Variants in AGBL4 observed in about 807,000 individuals in gnomAD.
The protein encoded by AGBL4 is cytosolic carboxypeptidase 6.
A neutral mutation model predicts 66.4 loss-of-function variants in AGBL4; 58 were observed. The observed-to-expected ratio is 0.87, with a 90% CI of 0.71 to 1.09. AGBL4 has a LOEUF of 1.09. AGBL4 is among the 50% of genes least tolerant of loss of function. The pLI is 0.00. For missense variants in AGBL4, 579 were observed against 631.0 expected, an observed-to-expected ratio of 0.92 and a Z score of 0.88; for synonymous variants, 234 against 222.9, an observed-to-expected ratio of 1.05 and a Z score of -0.44.
intron 3 of AGBL4, among the ~76,000 whole-genome samples, chr1:49,621,905 G>A (rs1156978788): frequency 2.0e-5 from 3 of 152,092 alleles, no homozygotes; most frequent in Admixed American, 1.3e-4. Context: ...CTAATAAAAG[G>A]CACATTACTG....
intron 3 of AGBL4, among the ~76,000 whole-genome samples, chr1:49,582,910 C>A (rs1452219605): frequency 6.6e-6 from 1 of 152,208 alleles, no homozygotes; most frequent in Non-Finnish European, 1.5e-5. Context: ...CTATCAATAC[C>A]CACTGTTTTC....
Position 48,925,929 on chromosome 1 carries a change from T to C in AGBL4, c.595-58699A>G, listed in dbSNP as rs531172025. Among the ~76,000 whole-genome samples, 12 of 152,278 alleles carry C rather than the reference T, an allele frequency of 7.9e-5. No individual in the cohort carries two copies. The East Asian group carries it at 2.1e-3, about 27-fold the overall frequency. ...CTCCACTCTCCCCCTACAACCCTCA[T>C]CTCTGCCATCCCCCATTGAAGGAGG... On this transcript the variant is annotated intron_variant, in intron 5 of 13. Transcript: ENST00000371839.
At chr1:49,751,008 A>G (rs1455097825) in intron 2 of AGBL4, among the ~76,000 whole-genome samples, 1 of 152,192 alleles carries the variant, frequency 6.6e-6, no homozygotes, top group Non-Finnish European at 1.5e-5. Flanking sequence ...GGAGTTTTCT[A>G]AATATACAAT....
At chr1:48,648,387 A>G (rs1645872771) in intron 8 of AGBL4, among the ~76,000 whole-genome samples, 1 of 152,176 alleles carries the variant, frequency 6.6e-6, no homozygotes, top group South Asian at 2.1e-4. Flanking sequence ...TAGCCATCCC[A>G]TTCTTGATAG....
At chr1:49,627,388 C>G (rs914586577) in intron 3 of AGBL4, among the ~76,000 whole-genome samples, 1 of 152,068 alleles carries the variant, frequency 6.6e-6, no homozygotes, top group African/African-American at 2.4e-5. Flanking sequence ...GATGAGACAT[C>G]AATATGTCTC....
At chr1:49,390,874 A>G (rs1279282215) in intron 3 of AGBL4, among the ~76,000 whole-genome samples, 1 of 152,140 alleles carries the variant, frequency 6.6e-6, no homozygotes, top group African/African-American at 2.4e-5. Flanking sequence ...AGAATATAAC[A>G]CTTTCTAGTT....
At chr1:48,570,068 A>C (rs763576562) in intron 11 of AGBL4, among the ~76,000 whole-genome samples, 6 of 152,228 alleles carry the variant, frequency 3.9e-5, no homozygotes, top group Non-Finnish European at 7.3e-5. Flanking sequence ...CTCACTGTGG[A>C]ACAGCCACTG....
chr1:49,388,380 T>C (rs1434955793), intron 3 of AGBL4, among the ~76,000 whole-genome samples: 1 of 151,746 alleles, frequency 6.6e-6, no homozygotes, highest in African/African-American at 2.4e-5. Flanking sequence ...CAAAAAAAAA[T>C]AGCTGGCCAG....
intron 5 of AGBL4, among the ~76,000 whole-genome samples, chr1:48,925,007 A>T (rs753439672): frequency 6.6e-6 from 1 of 152,150 alleles, no homozygotes; most frequent in African/African-American, 2.4e-5. Context: ...GCTGACTTGG[A>T]GCTGTGCTAG....
At chr1:49,464,441 C>G (rs1213859946) in intron 3 of AGBL4, among the ~76,000 whole-genome samples, 2 of 151,682 alleles carry the variant, frequency 1.3e-5, no homozygotes, top group Non-Finnish European at 2.9e-5. Context: ...ACGGAGGAAG[C>G]CTTTGTGATA....
At chr1:48,953,874 T>A (rs903065471) in intron 5 of AGBL4, among the ~76,000 whole-genome samples, 2 of 152,190 alleles carry the variant, frequency 1.3e-5, no homozygotes, top group African/African-American at 4.8e-5. Flanking sequence ...TTTGCCTAAA[T>A]CTAGCCTAGC....
At chr1:50,009,101 GA>G (rs1431341280) in intron 1 of AGBL4, among the ~76,000 whole-genome samples, 1 of 152,036 alleles carries the variant, frequency 6.6e-6, no homozygotes, top group Non-Finnish European at 1.5e-5. Flanking sequence ...CTACTATTTT[GA>G]AAAACAGAGG....
At chr1:49,054,632 T>C (rs909675903) in intron 4 of AGBL4, among the ~76,000 whole-genome samples, 2 of 151,972 alleles carry the variant, frequency 1.3e-5, no homozygotes, top group African/African-American at 2.4e-5. Flanking sequence ...ATAGAAGCCA[T>C]AGTTGTCAAA....
chr1:49,918,697 A>C (rs1651856048), intron 1 of AGBL4, among the ~76,000 whole-genome samples: 1 of 152,210 alleles, frequency 6.6e-6, no homozygotes, highest in Admixed American at 6.5e-5. Context: ...AACTATTCCA[A>C]ACAATAGAAA....
chr1:49,589,188 T>TG (rs1346771813), intron 3 of AGBL4, among the ~76,000 whole-genome samples: 1 of 152,158 alleles, frequency 6.6e-6, no homozygotes, highest in Non-Finnish European at 1.5e-5. Flanking sequence ...TATTTAATAT[T>TG]GTTGAGTATA....
At chr1:48,657,078 C>A (rs1354882943) in intron 7 of AGBL4, among the ~76,000 whole-genome samples, 1 of 152,190 alleles carries the variant, frequency 6.6e-6, no homozygotes, top group Non-Finnish European at 1.5e-5. Context: ...AGGGCCTTGG[C>A]TTCATGGTTA....
At position 49,224,104 on chromosome 1, in the gene AGBL4, G is replaced by A. The variant is rs1021112896; in HGVS notation, c.377+21666C>T. Among the ~76,000 whole-genome samples the A allele has an allele frequency of 4.6e-5, 7 of 152,274 alleles. No individual in the cohort carries two copies. In the South Asian group the frequency reaches 6.2e-4, roughly 14 times the overall value. ...CAAATATGCTTTGCACATAGCATACGTGCAGAAAATATTGGCTAAAGAGAC... is the reference window on the plus strand; with the variant it reads ...CAAATATGCTTTGCACATAGCATACATGCAGAAAATATTGGCTAAAGAGAC... On this transcript the variant is annotated intron_variant, in intron 4 of 13. Coordinates refer to ENST00000371839, the MANE Select transcript of AGBL4 (RefSeq NM_032785.4).
chr1:49,058,227 C>T (rs867481786), intron 4 of AGBL4, among the ~76,000 whole-genome samples: 21 of 152,094 alleles, frequency 1.4e-4, no homozygotes, highest in African/African-American at 5.1e-4. Flanking sequence ...GGCTGTGTCC[C>T]CACCCAAATT....
At chr1:48,637,523 C>G (rs1325632160) in intron 8 of AGBL4, among the ~76,000 whole-genome samples, 3 of 152,186 alleles carry the variant, frequency 2.0e-5, no homozygotes, top group African/African-American at 7.2e-5. Context: ...TCTCTTTGTT[C>G]CCTGGAAGCC....
Sources: gnomAD v4.1 joint callset for allele counts (sites outside exome capture counted in the v4.1 genomes callset) on GRCh38, gnomAD v4.1.1 for gene constraint, MANE v1.5 for transcripts, NCBI Gene and HGNC (gene_info 2026-07-23, HGNC 2026-07-21) for gene names.